The following AUTS2 variants were observed in gnomAD, a reference collection of about 807,000 sequenced individuals.
AUTS2 encodes activator of transcription and developmental regulator AUTS2.
A neutral mutation model predicts 112.4 loss-of-function variants in AUTS2; 17 were observed. The ratio of observed to expected loss-of-function variants is 0.15; its 90% CI spans 0.10 to 0.23. AUTS2 has a LOEUF of 0.23. Ranked by LOEUF, AUTS2 falls within the 10% of genes least tolerant of loss-of-function variation. The probability of loss-of-function intolerance (pLI) is 1.00; values close to 1 mark genes in which losing one functional copy is unlikely to be tolerated. For missense variants in AUTS2, 1,510 were observed against 1,701.6 expected (o/e 0.89, Z 1.98); for synonymous variants, 751 against 702.7 (o/e 1.07, Z -1.09).
chr7:69,862,988 G>A (rs1013106072), intron 1 of AUTS2, among the ~76,000 whole-genome samples: 3 of 152,126 alleles, frequency 2.0e-5, no homozygotes, highest in Non-Finnish European at 4.4e-5. Flanking sequence ...AGAGATTTCC[G>A]AGACGTTTGG....
chr7:69,877,649 C>T (rs7803578), intron 1 of AUTS2, among the ~76,000 whole-genome samples: 2,487 of 152,144 alleles, frequency 0.016, 23 homozygotes, highest in Middle Eastern at 0.034. Flanking sequence ...CTTTTGTTGC[C>T]GTCTTTATTT....
At chr7:70,714,232 A>G (rs1198885885) in intron 6 of AUTS2, among the ~76,000 whole-genome samples, 3 of 152,228 alleles carry the variant, frequency 2.0e-5, no homozygotes, top group Non-Finnish European at 2.9e-5. Context: ...TAGAAAATGT[A>G]GAAATGAACC....
intron 5 of AUTS2, among the ~76,000 whole-genome samples, chr7:70,620,136 C>T (rs2158679): frequency 0.1 from 15,370 of 152,182 alleles, 1,000 homozygotes; most frequent in Middle Eastern, 0.21. Context: ...TCTTTTCTTG[C>T]TCTTCTTTAC....
intron 4 of AUTS2, among the ~76,000 whole-genome samples, chr7:70,144,438 A>G (rs1807018427): frequency 6.6e-6 from 1 of 152,128 alleles, no homozygotes; most frequent in Admixed American, 6.6e-5. Flanking sequence ...AAAGGAAGCT[A>G]GTGAACCCAA....
At chr7:70,003,696 A>C (rs1306835844) in intron 2 of AUTS2, among the ~76,000 whole-genome samples, 16 of 126,254 alleles carry the variant, frequency 1.3e-4, no homozygotes, top group Non-Finnish European at 2.0e-4. Flanking sequence ...ATATGAATAT[A>C]TATAATATAT....
intron 6 of AUTS2, among the ~76,000 whole-genome samples, chr7:70,709,642 T>C (rs990496942): frequency 2.6e-5 from 4 of 151,776 alleles, no homozygotes; most frequent in Non-Finnish European, 5.9e-5. Context: ...GCCCAGGAGG[T>C]GGAGGTTGCA....
Position 69,708,513 on chromosome 7 carries a change from T to G in AUTS2, c.309+108551T>G, listed in dbSNP as rs147106886. On this transcript the variant is annotated intron_variant, in intron 1 of 18. Transcript: ENST00000342771. ...GTCTTCGAGGGAAGTGAGCAGTGGC[T>G]CTTCCAAGGACACAGAGATGTCAGG... Among the ~76,000 whole-genome samples, 476 of 152,334 alleles carry G rather than the reference T, an allele frequency of 3.1e-3. 3 individuals carry two copies. The highest frequency in any genetic ancestry group is 0.01 in the Middle Eastern group (3 of 294).
At chr7:70,774,005 G>A (rs967020837) in intron 11 of AUTS2, 23 bp from the exon 12 acceptor site, 5 of 1,612,746 alleles carry the variant, frequency 3.1e-6, no homozygotes, top group Admixed American at 1.7e-5. Context: ...TCCTAAGTAA[G>A]CTGTGGTCTA....
At chr7:69,893,692 T>C (rs1189851908) in intron 1 of AUTS2, among the ~76,000 whole-genome samples, 2 of 152,202 alleles carry the variant, frequency 1.3e-5, no homozygotes, top group African/African-American at 2.4e-5. Context: ...CAGGTTAGTT[T>C]GCTTGGAAAA....
intron 5 of AUTS2, among the ~76,000 whole-genome samples, chr7:70,678,687 A>G (rs990624981): frequency 1.3e-5 from 2 of 152,276 alleles, no homozygotes; most frequent in Admixed American, 1.3e-4. Flanking sequence ...TCTTTTTGCA[A>G]TCCGTGCTAA....
intron 6 of AUTS2, among the ~76,000 whole-genome samples, chr7:70,714,110 G>A (rs914593949): frequency 1.9e-4 from 29 of 152,234 alleles, no homozygotes; most frequent in African/African-American, 7.0e-4. Flanking sequence ...CCACTCAAAG[G>A]TGTGAAATGT....
intron 2 of AUTS2, among the ~76,000 whole-genome samples, chr7:69,966,158 C>G (rs779211897): frequency 6.6e-6 from 1 of 152,162 alleles, no homozygotes; most frequent in African/African-American, 2.4e-5. Flanking sequence ...GCAAATGTTA[C>G]GCCTTCAGAC....
chr7:70,118,277 A>C, intron 3 of AUTS2, 44 bp downstream of exon 3: 1 of 1,511,010 alleles, frequency 6.6e-7, no homozygotes, highest in Non-Finnish European at 8.8e-7. Context: ...ATTAACGAAA[A>C]CCACTAGGCC....
At chr7:69,630,196 G>A (rs974472167) in intron 1 of AUTS2, among the ~76,000 whole-genome samples, 2 of 152,290 alleles carry the variant, frequency 1.3e-5, no homozygotes, top group Non-Finnish European at 2.9e-5. Context: ...GGCGGAGGTT[G>A]CAGTGAGCCG....
intron 4 of AUTS2, among the ~76,000 whole-genome samples, chr7:70,330,609 G>A (rs1402734067): frequency 1.3e-5 from 2 of 152,066 alleles, no homozygotes; most frequent in African/African-American, 4.8e-5. Context: ...GGCGATTGAG[G>A]GTCCATTGCA....
intron 4 of AUTS2, among the ~76,000 whole-genome samples, chr7:70,370,111 A>G (rs562894666): frequency 6.6e-6 from 1 of 152,324 alleles, no homozygotes; most frequent in South Asian, 2.1e-4. Flanking sequence ...GGGCTTTCCA[A>G]CACAGGCATC....
intron 1 of AUTS2, among the ~76,000 whole-genome samples, chr7:69,655,890 G>T (rs1795507506): frequency 6.6e-6 from 1 of 152,290 alleles, no homozygotes; most frequent in South Asian, 2.1e-4. Context: ...TTGTACTATT[G>T]CAGTCAGCCC....
chr7:70,592,177 T>C (rs907742818), intron 5 of AUTS2, among the ~76,000 whole-genome samples: 16 of 152,218 alleles, frequency 1.1e-4, no homozygotes, highest in African/African-American at 3.4e-4. Context: ...GTATGTTTTT[T>C]CAGTATGACA....
intron 5 of AUTS2, chr7:70,436,778 G>A (rs17141608): frequency 0.27 from 40,753 of 152,106 alleles, 6,192 homozygotes; most frequent in African/African-American, 0.42. Context: ...CTTCTCTGCT[G>A]CCAGCCTCCA....
Sources: allele counts gnomAD v4.1 joint callset (sites outside exome capture counted in the v4.1 genomes callset), GRCh38; gene constraint gnomAD v4.1.1; transcripts MANE v1.5; gene names NCBI Gene and HGNC (gene_info 2026-07-23, HGNC 2026-07-21).